PLXND1: variants seen among roughly 807,000 people sequenced by gnomAD.
PLXND1 encodes plexin D1.
A neutral mutation model predicts 197.7 loss-of-function variants in PLXND1; 54 were observed. The ratio of observed to expected loss-of-function variants is 0.27; its 90% confidence interval spans 0.22 to 0.34. PLXND1 has a LOEUF of 0.34. Among genes scored for constraint, PLXND1 ranks in the 10% least tolerant of loss-of-function variants. The probability of loss-of-function intolerance (pLI) is 1.00; values close to 1 mark genes in which losing one functional copy is unlikely to be tolerated. For synonymous variants in PLXND1, 1,180 were observed against 1,161.2 expected (o/e 1.02, Z -0.33); for missense variants, 2,127 against 2,699.2 (o/e 0.79, Z 4.70).
In PLXND1 at chr3:129,569,968, G is replaced by A; in HGVS notation, c.3751-11C>T. The A allele has an allele frequency of 1.3e-6, 2 of 1,494,738 alleles. No homozygotes were observed. The highest frequency in any genetic ancestry group is 1.4e-5 in the African/African-American group (1 of 72,722). The allele number at this position is 1,494,738 out of a possible 1,614,324, so 92.6% of individuals were successfully genotyped here. A position where few individuals can be genotyped will look rare whatever the true frequency, so the allele number is the denominator to read the frequency against. On this transcript the variant is annotated splice_polypyrimidine_tract_variant and intron_variant, in intron 19 of 35. Coordinates refer to ENST00000324093, the MANE Select transcript of PLXND1 (RefSeq NM_015103.3). The stretch of plus-strand genomic sequence containing the variant: ...GTTCCCTACCTGGATCTGTGCAGAG[G>A]TTGGGGAAGGGGGTTGTAGCTTTCC...
At chr3:129,589,322 C>T in intron 2 of PLXND1, 29 bp downstream of exon 2, 1 of 1,003,152 alleles carries the variant, frequency 1.0e-6, no homozygotes, top group Non-Finnish European at 1.5e-6. Flanking sequence ...CCACCCCCAC[C>T]CCCTCCCCAC....
chr3:129,589,307 G>GCCGGGGGCCCCCCCCC, intron 2 of PLXND1, 44 bp downstream of exon 2: 4 of 684,690 alleles, frequency 5.8e-6, no homozygotes, highest in Admixed American at 4.6e-5. Flanking sequence ...TCCCAGGGGA[G>GCCGGGGGCCCCCCCCC]CCTCCCACCC....
chr3:129,567,765 A>T lies in PLXND1; in HGVS notation c.3906T>A (p.Arg1302=). ...VFCTKSRRAE[R]YWQKTLLQME... ...TCTGCAGCAGCGTCTTCTGCCAGTA[A>T]CGCTCAGCACGTCGGCTCTTGGTAC... The change falls in exon 21 of 36, where the codon CGT becomes CGA. Residue 1302 remains arginine, a synonymous_variant. Coordinates refer to ENST00000324093, the MANE Select transcript of PLXND1 (RefSeq NM_015103.3). 1.2e-6 allele frequency: 2 copies of T among 1,613,574 alleles called. No individual in the cohort carries two copies. The highest frequency in any genetic ancestry group is 1.7e-6 in the Non-Finnish European group (2 of 1,179,516).
chr3:129,593,728 C>G (rs965604483), intron 1 of PLXND1, among the ~76,000 whole-genome samples: 2 of 152,232 alleles, frequency 1.3e-5, no homozygotes, highest in African/African-American at 4.8e-5. Context: ...GAAACGTATG[C>G]CTACTCTGCG....
At position 129,556,249 on chromosome 3, in the gene PLXND1, C is replaced by G. The variant is rs913003858; in HGVS notation, c.*63G>C. On this transcript the variant is annotated 3_prime_UTR_variant, in exon 36 of 36. Transcript: ENST00000324093. The stretch of plus-strand genomic sequence containing the variant: ...GAGTCACAGGCACGGGGTAGAAGAT[C>G]AAGTTGAGGCCCAGTGGGCGTCCAT... 4.6e-6 allele frequency: 5 copies of G among 1,084,322 alleles called. No individual in the cohort carries two copies. In the African/African-American group the frequency reaches 6.2e-5, roughly 13 times the overall value. 67.2% of individuals were successfully genotyped at this position (1,084,322 alleles called of 1,614,324 possible).
intron 8 of PLXND1, among the ~76,000 whole-genome samples, chr3:129,578,855 G>C (rs1463638592): frequency 1.3e-5 from 2 of 152,172 alleles, no homozygotes; most frequent in Non-Finnish European, 2.9e-5. Context: ...CCAGCTTCCT[G>C]ACTGACCCGT....
In PLXND1 at chr3:129,575,799, C is replaced by G; in HGVS notation, c.2403G>C (p.Val801=). The change falls in exon 10 of 36, where the codon GTG becomes GTC. Residue 801 remains valine, a synonymous_variant. Transcript: ENST00000324093. The part of the protein sequence containing the change: ...GLEEIFEAVW[V]NESVVRCDQV... ...GGTCACAGCGTACAACAGACTCATT[C>G]ACCCACACAGCCTCGAAGATCTCCT... The G allele has an allele frequency of 6.2e-7, 1 of 1,613,632 alleles. No individual in the cohort carries two copies. The highest frequency in any genetic ancestry group is 8.5e-7 in the Non-Finnish European group (1 of 1,179,598).
intron 22 of PLXND1, among the ~76,000 whole-genome samples, 200 bp from the exon 23 acceptor site, chr3:129,566,831 C>G (rs1578315224): frequency 6.6e-6 from 1 of 152,140 alleles, no homozygotes; most frequent in East Asian, 1.9e-4. Context: ...CAAGACAGCA[C>G]AAGACTTAAG....
chr3:129,565,609 C>T (rs1179361124), intron 24 of PLXND1, 71 bp from the exon 25 acceptor site: 52 of 1,341,620 alleles, frequency 3.9e-5, no homozygotes, highest in Admixed American at 3.2e-4. Flanking sequence ...GTCTCAGTGC[C>T]GCCTCATCCC....
chr3:129,580,596 C>G (rs2085373561), intron 8 of PLXND1, among the ~76,000 whole-genome samples: 1 of 152,126 alleles, frequency 6.6e-6, no homozygotes. Flanking sequence ...AGAGGGCCCC[C>G]ACAGTGAATG....
Position 129,585,935 on chromosome 3 carries a change from C to T in PLXND1, c.1851+17G>A. On this transcript the variant is annotated intron_variant, in intron 5 of 35. Transcript: ENST00000324093. The stretch of plus-strand genomic sequence containing the variant: ...CCCCTGTGTCCCGAGCTGGGTCTTG[C>T]CTCCCCCAGGACTCACTGGGTACTC... 1.2e-6 allele frequency: 2 copies of T among 1,613,684 alleles called. No homozygotes were observed. The highest frequency in any genetic ancestry group is 1.3e-5 in the African/African-American group (1 of 75,036).
chr3:129,603,279 C>A (rs1033761104), intron 1 of PLXND1, among the ~76,000 whole-genome samples: 7 of 152,188 alleles, frequency 4.6e-5, no homozygotes, highest in Non-Finnish European at 1.0e-4. Context: ...GAGGCCCTGT[C>A]CCCTTAGGTA....
chr3:129,604,151 G>C (rs1306917102), intron 1 of PLXND1, among the ~76,000 whole-genome samples: 1 of 151,996 alleles, frequency 6.6e-6, no homozygotes, highest in Non-Finnish European at 1.5e-5. Flanking sequence ...GCCCAACCCA[G>C]CCTCAGACAC....
chr3:129,578,661 C>T (rs2085347349), intron 8 of PLXND1: 2 of 535,400 alleles, frequency 3.7e-6, no homozygotes, highest in Non-Finnish European at 6.6e-6. Context: ...AAGGTGGGCA[C>T]AGGCAGATGG....
intron 24 of PLXND1, 113 bp downstream of exon 24, chr3:129,565,774 G>T: frequency 8.5e-7 from 1 of 1,182,392 alleles, no homozygotes; most frequent in Non-Finnish European, 1.2e-6. Context: ...CCCAGGAAGG[G>T]CTGGAATATG....
intron 2 of PLXND1, 41 bp downstream of exon 2, chr3:129,589,310 T>TGGCCCCCCCCCCCCCCCCCCCCCCCCCC: frequency 6.0e-6 from 3 of 501,292 alleles, no homozygotes; most frequent in East Asian, 5.1e-5. Flanking sequence ...CAGGGGAGCC[T>TGGCCCCCCCCCCCCCCCCCCCCCCCCCC]CCCACCCCCA....
chr3:129,605,941 C>G lies in PLXND1; in HGVS notation c.699G>C (p.Glu233Asp). Residue 233 changes from glutamate (E) to aspartate (D), a missense_variant, in exon 1 of 36, where the codon GAG (glutamate) becomes GAC (aspartate). Coordinates refer to ENST00000324093, the MANE Select transcript of PLXND1 (RefSeq NM_015103.3). ...AGCGGATGGCGATCTCGGGCGTGTT[C>G]TCGAAGCGGTGGTCCTCCAGGCTGC... ...RNRSLEDHRF[E>D]NTPEIAIRSL... The G allele has an allele frequency of 6.2e-7, 1 of 1,613,218 alleles. No individual in the cohort carries two copies. The highest frequency in any genetic ancestry group is 8.5e-7 in the Non-Finnish European group (1 of 1,179,874).
At chr3:129,573,025 C>T (rs79343635) in intron 13 of PLXND1, 84 bp from the exon 14 acceptor site, 29,964 of 871,760 alleles carry the variant, frequency 0.034, 2,634 homozygotes, top group East Asian at 0.27. Context: ...CCCCATTCCA[C>T]GCCATGCCAC....
intron 19 of PLXND1, 76 bp from the exon 20 acceptor site, chr3:129,570,033 G>C (rs1449979921): frequency 2.4e-6 from 2 of 841,626 alleles, no homozygotes; most frequent in African/African-American, 3.3e-5. Context: ...TTGCTGTGTG[G>C]CCCTGGGTAA....
Sources: gnomAD v4.1 joint callset for allele counts (sites outside exome capture counted in the v4.1 genomes callset) on GRCh38, gnomAD v4.1.1 for gene constraint, MANE v1.5 for transcripts, NCBI Gene and HGNC (gene_info 2026-07-23, HGNC 2026-07-21) for gene names.